CDH26: variants seen among roughly 807,000 people sequenced by gnomAD.
CDH26 encodes the protein cadherin-like protein 26.
CDH26 carries 83 observed loss-of-function variants against 90.3 expected under a neutral mutation model. That is an observed-to-expected ratio of 0.92 (90% CI 0.77 to 1.10). The LOEUF is 1.10. Ranked by LOEUF, CDH26 falls within the 50% of genes least tolerant of loss-of-function variation. The pLI, the probability that CDH26 is intolerant of heterozygous loss-of-function variation, is 0.00. For missense variants in CDH26, 1,013 were observed against 1,037.6 expected (o/e 0.98, Z 0.33); for synonymous variants, 397 against 396.3 (o/e 1.00, Z -0.02).
chr20:60,004,194 A>G (rs1249143346), intron 16 of CDH26, among the ~76,000 whole-genome samples: 1 of 152,202 alleles, frequency 6.6e-6, no homozygotes, highest in Non-Finnish European at 1.5e-5. Flanking sequence ...TGTTTGGTTC[A>G]GCTTACCTTG....
intron 14 of CDH26, among the ~76,000 whole-genome samples, chr20:60,000,306 C>T (rs1056237684): frequency 6.6e-6 from 1 of 152,142 alleles, no homozygotes; most frequent in Non-Finnish European, 1.5e-5. Flanking sequence ...AATTGTTTCC[C>T]AAGTAGCTAA....
At chr20:59,990,490 G>C (rs1353475241) in intron 9 of CDH26, among the ~76,000 whole-genome samples, 1 of 152,188 alleles carries the variant, frequency 6.6e-6, no homozygotes, top group African/African-American at 2.4e-5. Flanking sequence ...ACTTCAGTGT[G>C]AGATTCCTCT....
intron 4 of CDH26, among the ~76,000 whole-genome samples, chr20:59,975,552 C>G (rs922426801): frequency 6.6e-6 from 1 of 152,116 alleles, no homozygotes; most frequent in Non-Finnish European, 1.5e-5. Context: ...CAGCCAGGGG[C>G]TTACACACTA....
chr20:60,026,081 T>G (rs1191481394), intron 7 of CDH26, among the ~76,000 whole-genome samples: 1 of 152,172 alleles, frequency 6.6e-6, no homozygotes, highest in Non-Finnish European at 1.5e-5. Context: ...TCATTCTGAC[T>G]TAGAATCTAG....
chr20:60,010,267 C>G (rs2146020435), intron 17 of CDH26, among the ~76,000 whole-genome samples: 1 of 152,212 alleles, frequency 6.6e-6, no homozygotes, highest in African/African-American at 2.4e-5. Context: ...CCCTGGGGCC[C>G]CAGAGCTGCC....
chr20:60,031,738 C>G (rs930248032), intron 8 of CDH26, among the ~76,000 whole-genome samples: 1 of 152,186 alleles, frequency 6.6e-6, no homozygotes, highest in East Asian at 1.9e-4. Context: ...CACGCTGGCT[C>G]ACAGCCTCTT....
chr20:59,961,373 G>A (rs1275233881), intron 1 of CDH26, among the ~76,000 whole-genome samples: 1 of 152,124 alleles, frequency 6.6e-6, no homozygotes, highest in Non-Finnish European at 1.5e-5. Context: ...TAGATTCCAG[G>A]GAATCAAGAC....
chr20:59,961,343 T>C (rs891381164), intron 1 of CDH26, among the ~76,000 whole-genome samples: 7 of 152,166 alleles, frequency 4.6e-5, no homozygotes, highest in African/African-American at 1.7e-4. Flanking sequence ...ACTTCAGTGA[T>C]TGATGACAGC....
In CDH26 at chr20:60,033,438, TG is replaced by T. The variant is rs773165772; in HGVS notation, c.1144-47del. On this transcript the variant is annotated intron_variant, in intron 8 of 8. Coordinates refer to the CDH26 transcript ENST00000370991. Reference sequence around the variant, plus strand: ...GAATGCTAAGCCTGTGTTACCATTTTGCCTACGTTATTTAATTCTCACTTTC... The same window carrying T: ...GAATGCTAAGCCTGTGTTACCATTTTCCTACGTTATTTAATTCTCACTTTC... 5 of 1,286,710 alleles carry T rather than the reference TG, an allele frequency of 3.9e-6. No individual in the cohort carries two copies. The African/African-American group carries it at 7.6e-5, about 20-fold the overall frequency. The allele number at this position is 1,286,710 out of a possible 1,614,324, so 79.7% of individuals were successfully genotyped here.
chr20:60,016,701 G>A (rs1259399970), downstream of CDH26, among the ~76,000 whole-genome samples: 25 of 151,954 alleles, frequency 1.6e-4, 1 homozygote, highest in Admixed American at 1.6e-3. Context: ...AGTCCTTAGG[G>A]GAATAGTTTC....
At chr20:59,969,092 C>A in intron 2 of CDH26, 69 bp downstream of exon 2, 2 of 978,586 alleles carry the variant, frequency 2.0e-6, no homozygotes, top group Non-Finnish European at 1.6e-6. Context: ...GACAGAATTG[C>A]AGTTTGGAGT....
chr20:59,977,473 T>C (rs1227985164), intron 4 of CDH26, among the ~76,000 whole-genome samples: 1 of 152,012 alleles, frequency 6.6e-6, no homozygotes, highest in Non-Finnish European at 1.5e-5. Context: ...CGACTTGCTT[T>C]TAAAAATATG....
chr20:60,022,295 C>T (rs186355113), intron 7 of CDH26, among the ~76,000 whole-genome samples: 1 of 152,276 alleles, frequency 6.6e-6, no homozygotes, highest in East Asian at 1.9e-4. Context: ...TAAATATTTT[C>T]AGAGAAAATG....
At chr20:59,977,376 T>C (rs1400835160) in intron 4 of CDH26, among the ~76,000 whole-genome samples, 1 of 152,178 alleles carries the variant, frequency 6.6e-6, no homozygotes, top group Non-Finnish European at 1.5e-5. Context: ...TCTGAACTCC[T>C]GCCTTTGCCC....
chr20:60,021,893 C>CATATATATATATATAT (rs1440474881), intron 7 of CDH26, among the ~76,000 whole-genome samples: 3 of 87,426 alleles, frequency 3.4e-5, no homozygotes, highest in African/African-American at 1.1e-4. Flanking sequence ...CACACACACA[C>CATATATATATATATAT]ACACATATAT....
At chr20:60,026,389 T>C (rs1277744474) in intron 7 of CDH26, among the ~76,000 whole-genome samples, 4 of 48,748 alleles carry the variant, frequency 8.2e-5, no homozygotes, top group Non-Finnish European at 1.2e-4. Flanking sequence ...CTGGCTGGAG[T>C]TAGAGAGAGA....
intron 7 of CDH26, 65 bp downstream of exon 7, chr20:59,985,194 A>C (rs1601136749): frequency 6.3e-7 from 1 of 1,584,510 alleles, no homozygotes; most frequent in African/African-American, 1.3e-5. Flanking sequence ...TCCTAGGCTC[A>C]GTTTTTCTCA....
intron 7 of CDH26, among the ~76,000 whole-genome samples, chr20:60,021,079 A>C (rs2146030530): frequency 6.6e-6 from 1 of 151,458 alleles, no homozygotes; most frequent in Middle Eastern, 3.4e-3. Flanking sequence ...TCTTTTCAAC[A>C]CTCCAGTTAA....
rs1049258023 is a variant in CDH26 at position 59,966,541 on chromosome 20, C to T, written c.70-2426C>T. ...TTCTTTTTGGTTTTTCCTGCAAGTGCGTGAGCAAGTGCATGGTGGTGAAGA... is the reference window on the plus strand; with the variant it reads ...TTCTTTTTGGTTTTTCCTGCAAGTGTGTGAGCAAGTGCATGGTGGTGAAGA... On this transcript the variant is annotated intron_variant, in intron 1 of 17. Coordinates refer to ENST00000348616, the MANE Select transcript of CDH26 (RefSeq NM_177980.4). 2.6e-5 allele frequency among the ~76,000 whole-genome samples: 4 copies of T among 152,202 alleles called. No individual in the cohort carries two copies. In the South Asian group the frequency reaches 8.3e-4, roughly 31 times the overall value.
Sources: allele counts gnomAD v4.1 joint callset (sites outside exome capture counted in the v4.1 genomes callset), GRCh38; gene constraint gnomAD v4.1.1; transcripts MANE v1.5; gene names NCBI Gene and HGNC (gene_info 2026-07-23, HGNC 2026-07-21).